Variants in GAREM1 observed in about 807,000 individuals in gnomAD.
GAREM1 encodes the protein GRB2 associated regulator of MAPK1 subtype 1.
In GAREM1, 26 loss-of-function variants were observed where a neutral mutation model predicts 71.3. The observed-to-expected ratio is 0.36, with a 90% CI of 0.27 to 0.51. The LOEUF (loss-of-function observed/expected upper bound fraction) is 0.51, where lower values mean the gene tolerates loss of function less well. GAREM1 is among the 20% of genes least tolerant of loss of function. The pLI, the probability that GAREM1 is intolerant of heterozygous loss-of-function variation, is 0.95. For synonymous variants in GAREM1, 440 were observed against 433.2 expected (o/e 1.02, Z -0.20); for missense variants, 1,026 against 1,103.1 (o/e 0.93, Z 0.99).
chr18:32,318,560 GT>G (rs575107588), intron 2 of GAREM1, among the ~76,000 whole-genome samples: 132 of 152,308 alleles, frequency 8.7e-4, no homozygotes, highest in African/African-American at 3.1e-3. Flanking sequence ...ATTCAGGTCT[GT>G]CCAGTTTGCT....
chr18:32,418,610 T>G (rs1010513466), intron 1 of GAREM1, among the ~76,000 whole-genome samples: 3 of 152,152 alleles, frequency 2.0e-5, no homozygotes, highest in Admixed American at 6.6e-5. Context: ...ACCTCTCAAC[T>G]GAGAGGCTAA....
At chr18:32,454,682 G>A (rs2048870971) in intron 1 of GAREM1, among the ~76,000 whole-genome samples, 1 of 152,186 alleles carries the variant, frequency 6.6e-6, no homozygotes, top group Non-Finnish European at 1.5e-5. Context: ...CAGAGACTGA[G>A]AAAGAACTCT....
chr18:32,315,540 T>G (rs573046877), intron 2 of GAREM1, among the ~76,000 whole-genome samples: 1 of 148,400 alleles, frequency 6.7e-6, no homozygotes, highest in Admixed American at 6.7e-5. Context: ...AAAGTAGATA[T>G]ATATATATAT....
chr18:32,302,433 T>A (rs1159687125), intron 3 of GAREM1, among the ~76,000 whole-genome samples: 4 of 152,188 alleles, frequency 2.6e-5, no homozygotes, highest in African/African-American at 4.8e-5. Flanking sequence ...AAGGCTCTAG[T>A]TTTTTCACTT....
In GAREM1 at chr18:32,286,905, T is replaced by C. The variant is rs934391416; in HGVS notation, c.1566+126A>G. 2.0e-5 allele frequency: 14 copies of C among 701,360 alleles called. 1 individual carries two copies. The South Asian group carries it at 2.4e-4, about 12-fold the overall frequency. 43.4% of individuals were successfully genotyped at this position (701,360 alleles called of 1,614,324 possible). On this transcript the variant is annotated intron_variant, in intron 4 of 5. Coordinates refer to ENST00000269209, the MANE Select transcript of GAREM1 (RefSeq NM_001242409.2). ...AATCAAGCTAGCATGTGTATCTCACTCCAAACTAAACAAATTTGCTCACTC... is the reference window on the plus strand; with the variant it reads ...AATCAAGCTAGCATGTGTATCTCACCCCAAACTAAACAAATTTGCTCACTC...
chr18:32,467,248 G>A (rs1349788517), intron 1 of GAREM1, among the ~76,000 whole-genome samples: 2 of 152,112 alleles, frequency 1.3e-5, no homozygotes, highest in African/African-American at 4.8e-5. Flanking sequence ...ATGTATGATG[G>A]ATGAGGCCAG....
chr18:32,460,642 G>C (rs1418865643), intron 1 of GAREM1, among the ~76,000 whole-genome samples: 1 of 152,226 alleles, frequency 6.6e-6, no homozygotes, highest in African/African-American at 2.4e-5. Context: ...GATGACAACT[G>C]TACCAAATTA....
chr18:32,348,787 C>T (rs1384010305), intron 2 of GAREM1, among the ~76,000 whole-genome samples: 1 of 151,976 alleles, frequency 6.6e-6, no homozygotes, highest in Non-Finnish European at 1.5e-5. Flanking sequence ...TGTAATTTGC[C>T]AACTCAAGTT....
chr18:32,368,506 A>G (rs1276152427), intron 2 of GAREM1, among the ~76,000 whole-genome samples: 1 of 152,178 alleles, frequency 6.6e-6, no homozygotes, highest in East Asian at 1.9e-4. Flanking sequence ...AGAGGGTTCA[A>G]GATTTCTTCA....
intron 1 of GAREM1, among the ~76,000 whole-genome samples, chr18:32,414,491 C>CA (rs542707472): frequency 8.6e-5 from 13 of 151,640 alleles, no homozygotes; most frequent in East Asian, 7.7e-4. Flanking sequence ...TTAAAACATG[C>CA]AAAAAAACTG....
intron 1 of GAREM1, among the ~76,000 whole-genome samples, chr18:32,457,354 A>T (rs1249127575): frequency 6.6e-6 from 1 of 151,934 alleles, no homozygotes; most frequent in African/African-American, 2.4e-5. Flanking sequence ...CAAATTCTTC[A>T]TAATATATAT....
intron 2 of GAREM1, among the ~76,000 whole-genome samples, chr18:32,311,051 T>A (rs1449346713): frequency 6.6e-6 from 1 of 152,210 alleles, no homozygotes; most frequent in Non-Finnish European, 1.5e-5. Flanking sequence ...GGCCATATCA[T>A]GGTCTCCACA....
intron 1 of GAREM1, among the ~76,000 whole-genome samples, chr18:32,406,258 G>A (rs1358368803): frequency 6.6e-6 from 1 of 151,984 alleles, no homozygotes; most frequent in African/African-American, 2.4e-5. Context: ...TCAAACTCCT[G>A]GACTCAAGCA....
chr18:32,377,415 G>T (rs565514443), intron 2 of GAREM1, among the ~76,000 whole-genome samples: 1 of 152,116 alleles, frequency 6.6e-6, no homozygotes, highest in Non-Finnish European at 1.5e-5. Flanking sequence ...CTTATTGGGC[G>T]AGTGAGGCAC....
In GAREM1 at chr18:32,264,360, T is replaced by C. The variant is rs2041344755; in HGVS notation, c.*3511A>G. 6.6e-6 allele frequency: 1 copy of C among 152,222 alleles called. No individual in the cohort carries two copies. The highest frequency in any genetic ancestry group is 6.5e-5 in the Admixed American group (1 of 15,284). The allele number at this position is 152,222 out of a possible 1,614,324, so 9.4% of individuals were successfully genotyped here. A position where few individuals can be genotyped will look rare whatever the true frequency, so the allele number is the denominator to read the frequency against. The stretch of plus-strand genomic sequence containing the variant: ...GTTTTCCAGTTTGTTATTCAAAATG[T>C]TAATCTTATACTTGCTAGGCACGAT... On this transcript the variant is annotated 3_prime_UTR_variant, in exon 6 of 6. Transcript: ENST00000269209.
chr18:32,267,772 G>GA lies in GAREM1; in HGVS notation c.*98dup. 1.1e-6 allele frequency: 1 copy of GA among 914,184 alleles called. No individual in the cohort carries two copies. The highest frequency in any genetic ancestry group is 1.7e-6 in the Non-Finnish European group (1 of 603,274). The allele number at this position is 914,184 out of a possible 1,614,324, so 56.6% of individuals were successfully genotyped here. A position where few individuals can be genotyped will look rare whatever the true frequency, so the allele number is the denominator to read the frequency against. On this transcript the variant is annotated 3_prime_UTR_variant, in exon 6 of 6. Coordinates refer to ENST00000269209, the MANE Select transcript of GAREM1 (RefSeq NM_001242409.2). ...AGTTTCTCTTATCCCTATTTACAGA[G>GA]AAGGTTTTTAGTGCAAAAACATGAA... is the stretch of plus-strand genomic sequence containing the variant.
chr18:32,315,831 T>C (rs994072507), intron 2 of GAREM1, among the ~76,000 whole-genome samples: 6 of 152,182 alleles, frequency 3.9e-5, no homozygotes, highest in African/African-American at 1.4e-4. Context: ...AAGAAGAGCT[T>C]TGTAATTCCT....
chr18:32,408,722 A>G (rs1451050753), intron 1 of GAREM1, among the ~76,000 whole-genome samples: 1 of 152,148 alleles, frequency 6.6e-6, no homozygotes, highest in East Asian at 1.9e-4. Context: ...AGTGCAACCC[A>G]TGATTAGGAG....
intron 2 of GAREM1, among the ~76,000 whole-genome samples, chr18:32,364,026 A>ATATATATT (rs1336753011): frequency 4.3e-5 from 2 of 46,418 alleles, no homozygotes; most frequent in African/African-American, 3.3e-4. Context: ...ATATATATAT[A>ATATATATT]TGTTTTTTTT....
Sources: allele counts gnomAD v4.1 joint callset (sites outside exome capture counted in the v4.1 genomes callset), GRCh38; gene constraint gnomAD v4.1.1; transcripts MANE v1.5; gene names NCBI Gene and HGNC (gene_info 2026-07-23, HGNC 2026-07-21).